The following DLG2 variants were observed in gnomAD, a reference collection of about 807,000 sequenced individuals.
DLG2 encodes the protein disks large homolog 2.
Under a neutral mutation model 132.5 loss-of-function variants are expected in DLG2, and 45 were observed. That is an observed-to-expected ratio of 0.34 (90% CI 0.27 to 0.44). The LOEUF is 0.44. Among genes scored for constraint, DLG2 ranks in the 20% least tolerant of loss-of-function variants. DLG2 has a pLI of 1.00. For missense variants in DLG2, 1,045 were observed against 1,196.9 expected (o/e 0.87, Z 1.87); for synonymous variants, 424 against 419.6 (o/e 1.01, Z -0.13).
rs557334602 is a variant in DLG2 at position 85,454,586 on chromosome 11, AT to A, written c.40+144070del. 3.8e-3 allele frequency among the ~76,000 whole-genome samples: 584 copies of A among 152,082 alleles called. 14 individuals carry two copies. The highest frequency in any genetic ancestry group is 9.1e-4 in the Non-Finnish European group (62 of 67,952). On this transcript the variant is annotated intron_variant, in intron 3 of 27. Transcript: ENST00000376104. ...TTTTGTTGCAATTGCTTTTGGCATC[AT>A]TGTCATGAAATCTTTGCCAGGTCCT...
At chr11:84,517,548 A>T (rs1468416237) in intron 7 of DLG2, among the ~76,000 whole-genome samples, 1 of 151,982 alleles carries the variant, frequency 6.6e-6, no homozygotes, top group Admixed American at 6.6e-5. Flanking sequence ...TGTTGATGGG[A>T]ATATAAATTA....
chr11:84,535,590 G>A (rs375591198), intron 6 of DLG2, among the ~76,000 whole-genome samples: 3 of 152,150 alleles, frequency 2.0e-5, no homozygotes, highest in Admixed American at 6.5e-5. Context: ...ATGCTCTGAG[G>A]GAACTCAGCC....
chr11:85,553,950 A>C (rs993668719), intron 3 of DLG2, among the ~76,000 whole-genome samples: 2 of 151,428 alleles, frequency 1.3e-5, no homozygotes, highest in Non-Finnish European at 3.0e-5. Context: ...TATACAGAAT[A>C]TTTAGAAAGT....
intron 4 of DLG2, among the ~76,000 whole-genome samples, chr11:85,179,800 A>C (rs1274446605): frequency 6.6e-6 from 1 of 151,930 alleles, no homozygotes; most frequent in African/African-American, 2.4e-5. Flanking sequence ...TGAACAACAT[A>C]AATGTTAATA....
chr11:84,998,899 A>G (rs2057947415), intron 6 of DLG2, among the ~76,000 whole-genome samples: 2 of 151,996 alleles, frequency 1.3e-5, no homozygotes, highest in African/African-American at 4.8e-5. Flanking sequence ...TTCGCCTTCT[A>G]CTTACAGTGA....
At chr11:84,328,667 A>G (rs536899709) in intron 7 of DLG2, among the ~76,000 whole-genome samples, 1 of 152,340 alleles carries the variant, frequency 6.6e-6, no homozygotes, top group Admixed American at 6.5e-5. Flanking sequence ...GTCTGGGTTA[A>G]AAATAAACCA....
intron 9 of DLG2, among the ~76,000 whole-genome samples, chr11:84,137,590 T>G (rs2094653312): frequency 6.6e-6 from 1 of 152,166 alleles, no homozygotes; most frequent in Non-Finnish European, 1.5e-5. Context: ...TTTATTATTT[T>G]GATCACACAA....
intron 7 of DLG2, among the ~76,000 whole-genome samples, chr11:84,336,010 C>G (rs2098482956): frequency 6.6e-6 from 1 of 152,160 alleles, no homozygotes; most frequent in Non-Finnish European, 1.5e-5. Context: ...TATTTTAATT[C>G]ACAGCATAAC....
intron 3 of DLG2, among the ~76,000 whole-genome samples, chr11:85,520,144 T>A (rs1003576611): frequency 6.6e-6 from 1 of 152,214 alleles, no homozygotes; most frequent in East Asian, 1.9e-4. Flanking sequence ...CTTCCCAAAG[T>A]GCTGGGATTA....
chr11:85,244,030 A>G (rs1424345834), intron 4 of DLG2, among the ~76,000 whole-genome samples: 2 of 152,010 alleles, frequency 1.3e-5, no homozygotes, highest in Admixed American at 1.3e-4. Context: ...TTTGCACAGC[A>G]TCAGTTACAT....
intron 6 of DLG2, among the ~76,000 whole-genome samples, chr11:84,748,563 C>T (rs933714542): frequency 4.6e-5 from 7 of 152,082 alleles, no homozygotes; most frequent in South Asian, 2.1e-4. Context: ...AAAATAAATA[C>T]GCTAGATATT....
At chr11:85,171,109 A>G (rs2152493329) in intron 4 of DLG2, among the ~76,000 whole-genome samples, 1 of 152,292 alleles carries the variant, frequency 6.6e-6, no homozygotes, top group Admixed American at 6.5e-5. Context: ...AAATATCTCA[A>G]GGGGTGCCAG....
At chr11:83,792,011 G>A (rs2153903192) in intron 17 of DLG2, among the ~76,000 whole-genome samples, 1 of 152,190 alleles carries the variant, frequency 6.6e-6, no homozygotes, top group South Asian at 2.1e-4. Context: ...TAATTTGACA[G>A]CTTTTGTTTT....
intron 8 of DLG2, among the ~76,000 whole-genome samples, chr11:84,245,103 C>A (rs2097285182): frequency 6.6e-6 from 1 of 152,208 alleles, no homozygotes; most frequent in Non-Finnish European, 1.5e-5. Flanking sequence ...TTACTTAAAA[C>A]ATCTCTTAGA....
At chr11:83,963,234 T>C (rs2089320275) in intron 13 of DLG2, among the ~76,000 whole-genome samples, 2 of 151,978 alleles carry the variant, frequency 1.3e-5, no homozygotes, top group Admixed American at 1.3e-4. Flanking sequence ...TTAATAATAG[T>C]TAAGTCTGTA....
chr11:84,432,620 C>T (rs2098988018), intron 7 of DLG2, among the ~76,000 whole-genome samples: 1 of 152,160 alleles, frequency 6.6e-6, no homozygotes, highest in Non-Finnish European at 1.5e-5. Context: ...TTTCCTTGGT[C>T]CTACTGCCAG....
chr11:84,026,372 G>C (rs1368182421), intron 11 of DLG2, among the ~76,000 whole-genome samples: 1 of 152,040 alleles, frequency 6.6e-6, no homozygotes, highest in Non-Finnish European at 1.5e-5. Context: ...TAGGGGAAAG[G>C]TAGTTAGTAT....
intron 5 of DLG2, among the ~76,000 whole-genome samples, chr11:85,153,388 C>G (rs190850611): frequency 7.6e-4 from 116 of 152,266 alleles, no homozygotes; most frequent in African/African-American, 2.8e-3. Context: ...CTCTAAATAA[C>G]CCCATTTTTG....
chr11:83,633,388 C>A, intron 18 of DLG2, 63 bp from the exon 19 acceptor site: 1 of 1,298,616 alleles, frequency 7.7e-7, no homozygotes, highest in Non-Finnish European at 1.1e-6. Context: ...AAATGCTGCA[C>A]AGCCCAGGCA....
Sources: gnomAD v4.1 joint callset for allele counts (sites outside exome capture counted in the v4.1 genomes callset) on GRCh38, gnomAD v4.1.1 for gene constraint, MANE v1.5 for transcripts, NCBI Gene and HGNC (gene_info 2026-07-23, HGNC 2026-07-21) for gene names.